The following NRG1 variants were observed in gnomAD, a reference collection of about 807,000 sequenced individuals.
The protein encoded by NRG1 is neuregulin 1.
In NRG1, 18 loss-of-function variants were observed where a neutral mutation model predicts 63.8. The observed-to-expected ratio is 0.28, with a 90% CI of 0.19 to 0.42. The LOEUF (loss-of-function observed/expected upper bound fraction) is 0.42, where lower values mean the gene tolerates loss of function less well. Ranked by LOEUF, NRG1 falls within the 10% of genes least tolerant of loss-of-function variation. The probability of loss-of-function intolerance (pLI) is 1.00; values close to 1 mark genes in which losing one functional copy is unlikely to be tolerated. For synonymous variants in NRG1, 302 were observed against 301.3 expected, an observed-to-expected ratio of 1.00 and a Z score of -0.02; for missense variants, 762 against 814.7, an observed-to-expected ratio of 0.94 and a Z score of 0.79.
In NRG1 at chr8:32,378,767, C is replaced by G. The variant is rs570215405; in HGVS notation, c.38-217061C>G. Among the ~76,000 whole-genome samples, 7 of 145,140 alleles carry G rather than the reference C, an allele frequency of 4.8e-5. No individual in the cohort carries two copies. In the East Asian group the frequency reaches 1.4e-3, roughly 30 times the overall value. ...TATATCTCCAAATGCTATCCCTCCC[C>G]CGTCCCCCAACCCCACAACAGGCCC... On this transcript the variant is annotated intron_variant, in intron 1 of 10. Transcript: ENST00000519301.
intron 1 of NRG1, among the ~76,000 whole-genome samples, chr8:31,741,481 C>T (rs1815265039): frequency 1.4e-5 from 2 of 142,810 alleles, no homozygotes; most frequent in East Asian, 6.9e-4. Context: ...ATACATTTAA[C>T]CTACAAAGAA....
At chr8:32,581,403 T>C (rs1288851410) in intron 1 of NRG1, among the ~76,000 whole-genome samples, 1 of 152,226 alleles carries the variant, frequency 6.6e-6, no homozygotes, top group Admixed American at 6.5e-5. Flanking sequence ...TGTTTTTACA[T>C]AAATCCTGTG....
chr8:31,927,439 CTTTTTTTTTT>C (rs71539998), intron 1 of NRG1, among the ~76,000 whole-genome samples: 4 of 68,034 alleles, frequency 5.9e-5, no homozygotes, highest in African/African-American at 2.3e-4. Flanking sequence ...GAGAAAACTA[CTTTTTTTTTT>C]TTTTTTTTTT....
At chr8:32,204,251 G>A (rs1843789916) in intron 1 of NRG1, among the ~76,000 whole-genome samples, 1 of 152,184 alleles carries the variant, frequency 6.6e-6, no homozygotes, top group African/African-American at 2.4e-5. Context: ...CTCTTACTTG[G>A]TATAAGACAG....
At chr8:31,786,671 AG>A (rs1363405406) in intron 1 of NRG1, among the ~76,000 whole-genome samples, 1 of 152,230 alleles carries the variant, frequency 6.6e-6, no homozygotes, top group Non-Finnish European at 1.5e-5. Context: ...CACATAACTC[AG>A]GAAAACACTT....
intron 1 of NRG1, among the ~76,000 whole-genome samples, chr8:32,165,128 G>A (rs773951787): frequency 6.6e-6 from 1 of 151,752 alleles, no homozygotes; most frequent in African/African-American, 2.4e-5. Flanking sequence ...ACACATGTAA[G>A]ATATTGCCCT....
chr8:32,369,121 G>T (rs1808465636), intron 1 of NRG1, among the ~76,000 whole-genome samples: 2 of 152,224 alleles, frequency 1.3e-5, no homozygotes, highest in Admixed American at 1.3e-4. Context: ...TGTCTTCATT[G>T]ATGTCAAGAG....
At chr8:31,897,685 T>G (rs1450165688) in intron 1 of NRG1, among the ~76,000 whole-genome samples, 2 of 152,118 alleles carry the variant, frequency 1.3e-5, no homozygotes, top group East Asian at 1.9e-4. Flanking sequence ...TTCTAGGTCT[T>G]TAGACTATAA....
chr8:32,151,035 T>C (rs1474722306), intron 1 of NRG1, among the ~76,000 whole-genome samples: 1 of 152,114 alleles, frequency 6.6e-6, no homozygotes, highest in Non-Finnish European at 1.5e-5. Context: ...ACTGTAAACT[T>C]GAAATTGTTT....
At chr8:31,647,927 A>G (rs926688679) in intron 1 of NRG1, among the ~76,000 whole-genome samples, 3 of 152,044 alleles carry the variant, frequency 2.0e-5, no homozygotes, top group Non-Finnish European at 4.4e-5. Context: ...AAAATTTACC[A>G]TTTTAACCAT....
In NRG1 at chr8:32,187,582, T is replaced by C. The variant is rs547278228; in HGVS notation, c.38-408246T>C. On this transcript the variant is annotated intron_variant, in intron 1 of 10. Transcript: ENST00000519301. ...CTTCCTGCACAAGGAGACATGTCTG[T>C]GATTTGTGAAGCATTCATCTTGTTT... Among the ~76,000 whole-genome samples, 117 of 152,260 alleles carry C rather than the reference T, an allele frequency of 7.7e-4. 1 individual carries two copies. Among genetic ancestry groups the C allele is most frequent in the East Asian group, 4.5e-3 (23 of 5,168 alleles).
chr8:31,912,728 C>T (rs1833053197), intron 1 of NRG1, among the ~76,000 whole-genome samples: 1 of 151,976 alleles, frequency 6.6e-6, no homozygotes. Flanking sequence ...TTGCTCCTTC[C>T]CTTAATTCCC....
At position 31,863,959 on chromosome 8, in the gene NRG1, T is replaced by C. The variant is rs374815705; in HGVS notation, c.37+224528T>C. On this transcript the variant is annotated intron_variant, in intron 1 of 10. Coordinates refer to the NRG1 transcript ENST00000519301. ...TCTTGAGTGCAAGATCTTCAACTTG[T>C]ATAGTTGTATTTCCAATTTTCAACA... is the stretch of plus-strand genomic sequence containing the variant. 6.6e-5 allele frequency among the ~76,000 whole-genome samples: 10 copies of C among 152,344 alleles called. No individual in the cohort carries two copies. In the South Asian group the frequency reaches 8.3e-4, roughly 13 times the overall value.
intron 1 of NRG1, among the ~76,000 whole-genome samples, chr8:32,061,535 T>C (rs981862983): frequency 2.0e-5 from 3 of 152,010 alleles, no homozygotes; most frequent in African/African-American, 7.2e-5. Flanking sequence ...AAAATATATA[T>C]ACTGGTTGGT....
At chr8:32,422,227 C>G (rs1346701409) in intron 1 of NRG1, among the ~76,000 whole-genome samples, 1 of 152,066 alleles carries the variant, frequency 6.6e-6, no homozygotes, top group African/African-American at 2.4e-5. Context: ...CACCCTGAAG[C>G]AGCTAGTTTT....
At chr8:32,006,177 T>C (rs1273346896) in intron 1 of NRG1, among the ~76,000 whole-genome samples, 2 of 152,028 alleles carry the variant, frequency 1.3e-5, no homozygotes, top group African/African-American at 2.4e-5. Flanking sequence ...CTAAGTTGTT[T>C]TTGGTTGTGT....
rs188425242 is a variant in NRG1 at position 32,039,097 on chromosome 8, A to G, written c.37+399666A>G. Among the ~76,000 whole-genome samples, 63 of 152,340 alleles carry G rather than the reference A, an allele frequency of 4.1e-4. 1 individual carries two copies. The East Asian group carries it at 0.011, about 27-fold the overall frequency. On this transcript the variant is annotated intron_variant, in intron 1 of 10. Transcript: ENST00000519301. ...GTTATAATTGCAGCTACGAAACTAAAAGTGAACAAATTGCTTTCTCATTTA... is the reference window on the plus strand; with the variant it reads ...GTTATAATTGCAGCTACGAAACTAAGAGTGAACAAATTGCTTTCTCATTTA...
chr8:32,307,383 G>T (rs1043947508), intron 1 of NRG1, among the ~76,000 whole-genome samples: 2 of 151,754 alleles, frequency 1.3e-5, no homozygotes, highest in Admixed American at 1.3e-4. Flanking sequence ...AAGTTAGTCA[G>T]CAAAGAGAAA....
chr8:32,399,191 A>G (rs575046202), intron 1 of NRG1, among the ~76,000 whole-genome samples: 111 of 152,324 alleles, frequency 7.3e-4, no homozygotes, highest in Non-Finnish European at 1.4e-3. Context: ...GTTCATTAGC[A>G]TGTGATGAAA....
Sources: allele counts gnomAD v4.1 joint callset (sites outside exome capture counted in the v4.1 genomes callset), GRCh38; gene constraint gnomAD v4.1.1; transcripts MANE v1.5; gene names NCBI Gene and HGNC (gene_info 2026-07-23, HGNC 2026-07-21).